Variants in CAPZB observed in about 807,000 individuals in gnomAD.
The protein encoded by CAPZB is capping actin protein of muscle Z-line subunit beta, also known as F-actin-capping protein subunit beta.
A neutral mutation model predicts 38.1 loss-of-function variants in CAPZB; 2 were observed. The observed-to-expected ratio is 0.05, with a 90% CI of 0.02 to 0.17. The LOEUF is 0.17. CAPZB is among the 10% of genes least tolerant of loss of function. CAPZB has a pLI of 1.00. For missense variants in CAPZB, 161 were observed against 334.2 expected (o/e 0.48, Z 4.04); for synonymous variants, 107 against 127.4 (o/e 0.84, Z 1.08).
At chr1:19,370,353 G>A (rs1198666460) in intron 4 of CAPZB, among the ~76,000 whole-genome samples, 1 of 152,228 alleles carries the variant, frequency 6.6e-6, no homozygotes, top group Non-Finnish European at 1.5e-5. Flanking sequence ...CGGGGCCAAG[G>A]GTTATTGAAG....
At chr1:19,451,179 A>G (rs1466110453) in intron 1 of CAPZB, among the ~76,000 whole-genome samples, 1 of 152,186 alleles carries the variant, frequency 6.6e-6, no homozygotes, top group Admixed American at 6.5e-5. Flanking sequence ...GACTTTAACC[A>G]TATCTTAGTC....
At chr1:19,388,950 G>C (rs956502653) in intron 2 of CAPZB, among the ~76,000 whole-genome samples, 2 of 152,198 alleles carry the variant, frequency 1.3e-5, no homozygotes, top group African/African-American at 4.8e-5. Flanking sequence ...TCTGGGACTT[G>C]ATATGGCCAA....
At chr1:19,462,976 T>C (rs751563336) in intron 1 of CAPZB, among the ~76,000 whole-genome samples, 4 of 152,196 alleles carry the variant, frequency 2.6e-5, no homozygotes, top group Non-Finnish European at 5.9e-5. Flanking sequence ...ATATAGAACA[T>C]TTCCATCATC....
chr1:19,379,303 C>T (rs2094161448), intron 3 of CAPZB, among the ~76,000 whole-genome samples: 1 of 152,000 alleles, frequency 6.6e-6, no homozygotes, highest in South Asian at 2.1e-4. Context: ...TTGGCCGTGT[C>T]GGCCAGGCTG....
At chr1:19,392,986 A>G (rs1310608963) in intron 2 of CAPZB, among the ~76,000 whole-genome samples, 1 of 152,120 alleles carries the variant, frequency 6.6e-6, no homozygotes, top group Admixed American at 6.5e-5. Context: ...AGATGGACAC[A>G]TGGCCTCCAC....
intron 8 of CAPZB, chr1:19,342,927 CAG>C: frequency 1.0e-6 from 1 of 970,946 alleles, no homozygotes; most frequent in South Asian, 1.3e-5. Flanking sequence ...GCCAGGAACG[CAG>C]GGGGCCACAG....
chr1:19,345,823 G>T (rs528475777), intron 6 of CAPZB, among the ~76,000 whole-genome samples: 74 of 152,372 alleles, frequency 4.9e-4, no homozygotes, highest in African/African-American at 1.7e-3. Flanking sequence ...GGTGGCAATG[G>T]CAGAGCCTGG....
chr1:19,460,466 C>G (rs1023877102), intron 1 of CAPZB, among the ~76,000 whole-genome samples: 11 of 151,478 alleles, frequency 7.3e-5, no homozygotes, highest in Admixed American at 4.6e-4. Flanking sequence ...TTAGTAGAGA[C>G]AGGTTTCACC....
intron 8 of CAPZB, 108 bp downstream of exon 8, chr1:19,344,249 GC>G: frequency 1.2e-6 from 1 of 822,010 alleles, no homozygotes; most frequent in Non-Finnish European, 2.1e-6. Context: ...GGGCACTGCA[GC>G]CTACCAATGA....
At chr1:19,403,547 C>T (rs1344476333) in intron 2 of CAPZB, among the ~76,000 whole-genome samples, 7 of 152,216 alleles carry the variant, frequency 4.6e-5, no homozygotes, top group Admixed American at 1.3e-4. Flanking sequence ...AGCTCTTCCA[C>T]CTAGATGTGT....
chr1:19,485,484 C>G lies in CAPZB; in HGVS notation c.-46G>C, dbSNP rs2094648427. The G allele has an allele frequency of 8.2e-7, 1 of 1,222,164 alleles. No individual in the cohort carries two copies. Among genetic ancestry groups the G allele is most frequent in the South Asian group, 4.1e-5 (1 of 24,212 alleles). The allele number at this position is 1,222,164 out of a possible 1,614,324, so 75.7% of individuals were successfully genotyped here. On this transcript the variant is annotated 5_prime_UTR_variant, in exon 1 of 9. Coordinates refer to ENST00000264202, the MANE Select transcript of CAPZB (RefSeq NM_004930.5). ...TCCCGGTCCCGGCGTCAGTGGCTCT[C>G]CCCCCCGCAGCAGGGCCCGGCGCTT... is the stretch of plus-strand genomic sequence containing the variant.
intron 1 of CAPZB, among the ~76,000 whole-genome samples, chr1:19,472,432 C>G (rs1022846483): frequency 6.6e-6 from 1 of 152,176 alleles, no homozygotes. Context: ...TCCCTGGCCG[C>G]AGGTGTAACA....
chr1:19,449,372 C>G (rs983969057), intron 1 of CAPZB: 49 of 1,008,814 alleles, frequency 4.9e-5, no homozygotes, highest in Non-Finnish European at 5.5e-5. Context: ...CAGACCTTGT[C>G]TCTATGCCAT....
At chr1:19,405,760 C>T (rs1311966782) in intron 2 of CAPZB, among the ~76,000 whole-genome samples, 1 of 152,156 alleles carries the variant, frequency 6.6e-6, no homozygotes, top group African/African-American at 2.4e-5. Context: ...TCGGAGGGGC[C>T]GGCTGTCAGA....
At chr1:19,389,483 A>G (rs1354535077) in intron 2 of CAPZB, among the ~76,000 whole-genome samples, 1 of 152,018 alleles carries the variant, frequency 6.6e-6, no homozygotes, top group African/African-American at 2.4e-5. Context: ...GCTGGAGTGC[A>G]GTGGCGCGAT....
intron 2 of CAPZB, among the ~76,000 whole-genome samples, chr1:19,410,219 C>G (rs2094351326): frequency 6.6e-6 from 1 of 152,182 alleles, no homozygotes; most frequent in Non-Finnish European, 1.5e-5. Flanking sequence ...CAAAATCAGC[C>G]TGTGCTCCAG....
Position 19,434,461 on chromosome 1 carries a change from A to C in CAPZB, c.4-14711T>G, listed in dbSNP as rs141236632. Among the ~76,000 whole-genome samples, 4 of 152,002 alleles carry C rather than the reference A, an allele frequency of 2.6e-5. No homozygotes were observed. In the East Asian group the frequency reaches 7.7e-4, roughly 29 times the overall value. ...AGGCATTGGCTGGGCATGGTGGCTC[A>C]CATCTATAATCCTAGCACTTTGGGA... is the stretch of plus-strand genomic sequence containing the variant. On this transcript the variant is annotated intron_variant, in intron 1 of 8. Coordinates refer to ENST00000264202, the MANE Select transcript of CAPZB (RefSeq NM_004930.5).
rs1558163558 is a variant in CAPZB at position 19,339,704 on chromosome 1, C to G, written c.732-87G>C. ...TGGGGGCCACCATGCCAGTGCCTGG[C>G]TGATTTGCTGCATGGACCCGCTTCC... On this transcript the variant is annotated intron_variant, in intron 8 of 8. Coordinates refer to ENST00000264202, the MANE Select transcript of CAPZB (RefSeq NM_004930.5). The G allele has an allele frequency of 2.7e-5, 27 of 1,013,514 alleles. 1 individual carries two copies. In the East Asian group the frequency reaches 6.2e-4, roughly 23 times the overall value. The allele number at this position is 1,013,514 out of a possible 1,614,324, so 62.8% of individuals were successfully genotyped here.
chr1:19,461,604 C>A (rs2094552142), intron 1 of CAPZB, among the ~76,000 whole-genome samples: 1 of 152,200 alleles, frequency 6.6e-6, no homozygotes, highest in Admixed American at 6.5e-5. Context: ...GACTTGAGCA[C>A]TAGGGTAAAA....
Sources: allele counts gnomAD v4.1 joint callset (sites outside exome capture counted in the v4.1 genomes callset), GRCh38; gene constraint gnomAD v4.1.1; transcripts MANE v1.5; gene names NCBI Gene and HGNC (gene_info 2026-07-23, HGNC 2026-07-21).